PDE10A: variants seen among roughly 807,000 people sequenced by gnomAD.
PDE10A encodes phosphodiesterase 10A.
In PDE10A, 39 loss-of-function variants were observed where a neutral mutation model predicts 97.7. The observed-to-expected ratio is 0.40, with a 90% confidence interval of 0.31 to 0.52. The LOEUF is 0.52. PDE10A is among the 20% of genes least tolerant of loss of function. The pLI is 0.56. For missense variants in PDE10A, 731 were observed against 1,047.8 expected (o/e 0.70, Z 4.17); for synonymous variants, 371 against 376.8 (o/e 0.98, Z 0.18).
chr6:165,674,811 C>A (rs1297670816), intron 1 of PDE10A, among the ~76,000 whole-genome samples: 1 of 152,190 alleles, frequency 6.6e-6, no homozygotes, highest in African/African-American at 2.4e-5. Flanking sequence ...GCATAAACTT[C>A]CAGTTAGGAA....
intron 1 of PDE10A, among the ~76,000 whole-genome samples, chr6:165,695,844 G>A (rs1008407448): frequency 2.6e-5 from 4 of 152,234 alleles, no homozygotes; most frequent in East Asian, 1.9e-4. Context: ...AAAAAATATC[G>A]AACGTTGACC....
intron 1 of PDE10A, among the ~76,000 whole-genome samples, chr6:165,703,916 A>G (rs192781039): frequency 5.3e-5 from 8 of 152,364 alleles, no homozygotes; most frequent in African/African-American, 1.9e-4. Flanking sequence ...CTCAGGTCAC[A>G]AAGATGAATG....
intron 2 of PDE10A, among the ~76,000 whole-genome samples, chr6:165,507,866 A>T (rs1781290889): frequency 6.6e-6 from 1 of 152,218 alleles, no homozygotes; most frequent in Non-Finnish European, 1.5e-5. Context: ...TACATACAAA[A>T]TGTCATCTAA....
At chr6:165,938,776 ACACG>A (rs1233470204) in intron 1 of PDE10A, among the ~76,000 whole-genome samples, 1 of 152,182 alleles carries the variant, frequency 6.6e-6, no homozygotes, top group African/African-American at 2.4e-5. Context: ...ACACACACAC[ACACG>A]CACTACATAT....
rs560003032 is a variant in PDE10A, at chr6:165,470,633, C to T, written c.1023+11682G>A. On this transcript the variant is annotated intron_variant, in intron 3 of 21. Coordinates refer to ENST00000539869, the MANE Select transcript of PDE10A (RefSeq NM_001385079.1). ...GTTCTTCCTCTGTTGTATTTGGTTACGCTTGTTTTTCTGGTAATCAATTAG... is the reference window on the plus strand; with the variant it reads ...GTTCTTCCTCTGTTGTATTTGGTTATGCTTGTTTTTCTGGTAATCAATTAG... Among the ~76,000 whole-genome samples the T allele has an allele frequency of 1.3e-3, 191 of 152,204 alleles. 1 individual carries two copies. Among genetic ancestry groups the T allele is most frequent in the African/African-American group, 4.2e-3 (176 of 41,548 alleles).
intron 1 of PDE10A, among the ~76,000 whole-genome samples, chr6:165,953,675 C>T (rs1364070728): frequency 6.6e-6 from 1 of 152,182 alleles, no homozygotes; most frequent in Non-Finnish European, 1.5e-5. Flanking sequence ...TCCTCCCGTC[C>T]CCGGCATCCT....
At chr6:165,430,208 G>T in intron 9 of PDE10A, 79 bp downstream of exon 9, 1 of 919,678 alleles carries the variant, frequency 1.1e-6, no homozygotes, top group Non-Finnish European at 1.7e-6. Context: ...AATAGACAAT[G>T]GTCTATTTCT....
intron 1 of PDE10A, among the ~76,000 whole-genome samples, chr6:165,581,672 CA>C (rs1317698844): frequency 1.3e-5 from 2 of 152,216 alleles, no homozygotes; most frequent in African/African-American, 4.8e-5. Context: ...CAGAACAAAA[CA>C]ATTTCTCATC....
chr6:165,340,314 G>T (rs1261146809), intron 19 of PDE10A, among the ~76,000 whole-genome samples: 1 of 151,854 alleles, frequency 6.6e-6, no homozygotes, highest in Admixed American at 6.6e-5. Flanking sequence ...AGTAACGTTG[G>T]TCATGTTTTT....
chr6:165,569,666 C>T (rs778820422), intron 1 of PDE10A, among the ~76,000 whole-genome samples: 9 of 152,154 alleles, frequency 5.9e-5, no homozygotes, highest in African/African-American at 2.2e-4. Flanking sequence ...CTCATACCCT[C>T]CTCTTAAATC....
chr6:165,681,920 T>C (rs1217340337), intron 1 of PDE10A, among the ~76,000 whole-genome samples: 2 of 152,318 alleles, frequency 1.3e-5, no homozygotes, highest in Non-Finnish European at 2.9e-5. Flanking sequence ...GTTTAATTTT[T>C]CTGAAATTAT....
intron 1 of PDE10A, among the ~76,000 whole-genome samples, chr6:165,881,400 T>C (rs201970775): frequency 0.19 from 26,531 of 140,472 alleles, 2,624 homozygotes; most frequent in South Asian, 0.27. Context: ...TTCTTTTTTT[T>C]TTTTTTTTTT....
chr6:165,816,306 A>G (rs565526934), intron 1 of PDE10A, among the ~76,000 whole-genome samples: 18 of 152,356 alleles, frequency 1.2e-4, no homozygotes, highest in Non-Finnish European at 1.8e-4. Context: ...CCTGATAAAG[A>G]AACTTGAATA....
At chr6:165,955,513 G>A (rs946586362) in intron 1 of PDE10A, among the ~76,000 whole-genome samples, 28 of 151,988 alleles carry the variant, frequency 1.8e-4, no homozygotes, top group African/African-American at 5.6e-4. Flanking sequence ...TACCTCCACC[G>A]TCTGCCTGCT....
intron 1 of PDE10A, among the ~76,000 whole-genome samples, chr6:165,785,049 A>C (rs1355176046): frequency 6.6e-6 from 1 of 151,888 alleles, no homozygotes; most frequent in Non-Finnish European, 1.5e-5. Context: ...GAGAATTAAA[A>C]CTCTGTGGGA....
chr6:165,673,667 A>G (rs2128437170), intron 1 of PDE10A, among the ~76,000 whole-genome samples: 1 of 152,252 alleles, frequency 6.6e-6, no homozygotes, highest in East Asian at 1.9e-4. Flanking sequence ...TTTGTTTTGA[A>G]ATTTTTATCA....
intron 1 of PDE10A, among the ~76,000 whole-genome samples, chr6:165,792,246 C>CT (rs892053066): frequency 3.5e-4 from 53 of 152,334 alleles, no homozygotes; most frequent in African/African-American, 1.2e-3. Context: ...GTTTTCACCC[C>CT]TAAGATGAGT....
chr6:165,526,904 C>T (rs1274915576), intron 2 of PDE10A, among the ~76,000 whole-genome samples: 1 of 152,250 alleles, frequency 6.6e-6, no homozygotes, highest in Admixed American at 6.5e-5. Flanking sequence ...GTGTCACAAT[C>T]TTATTCGGAG....
intron 1 of PDE10A, among the ~76,000 whole-genome samples, chr6:165,945,955 A>G (rs1783751909): frequency 6.6e-6 from 1 of 152,248 alleles, no homozygotes; most frequent in South Asian, 2.1e-4. Context: ...CTATTTTTAC[A>G]TTTAAAGATA....
Sources: allele counts gnomAD v4.1 joint callset (sites outside exome capture counted in the v4.1 genomes callset), GRCh38; gene constraint gnomAD v4.1.1; transcripts MANE v1.5; gene names NCBI Gene and HGNC (gene_info 2026-07-23, HGNC 2026-07-21).